ANO1: variants seen among roughly 807,000 people sequenced by gnomAD.
The protein encoded by ANO1 is anoctamin 1, also known as anoctamin-1.
Under a neutral mutation model 124.0 loss-of-function variants are expected in ANO1, and 59 were observed. The ratio of observed to expected loss-of-function variants is 0.48; its 90% CI spans 0.39 to 0.59. The LOEUF is 0.59. Ranked by LOEUF, ANO1 falls within the 20% of genes least tolerant of loss-of-function variation. The probability of loss-of-function intolerance (pLI) is 0.00; values close to 1 mark genes in which losing one functional copy is unlikely to be tolerated. For missense variants in ANO1, 1,059 were observed against 1,328.0 expected (o/e 0.80, Z 3.15); for synonymous variants, 529 against 532.0 (o/e 0.99, Z 0.08).
At chr11:70,130,319 G>C (rs1474008072) in intron 10 of ANO1, among the ~76,000 whole-genome samples, 2 of 152,218 alleles carry the variant, frequency 1.3e-5, no homozygotes, top group Non-Finnish European at 2.9e-5. Context: ...CGGAGGGTAT[G>C]AGTAGTCAGT....
At chr11:69,978,748 A>G in the ANO1 span, among the ~76,000 whole-genome samples, 3,641 of 152,314 alleles carry the variant, frequency 0.024, 86 homozygotes, top group African/African-American at 0.055. Context: ...ATGGAAGCCT[A>G]ATCTCTCTAT....
the ANO1 span, among the ~76,000 whole-genome samples, chr11:69,968,342 C>T: frequency 3.3e-5 from 5 of 152,216 alleles, no homozygotes; most frequent in African/African-American, 1.2e-4. Flanking sequence ...GGATGACCCT[C>T]TGCCTCTGGG....
At chr11:70,120,738 C>T (rs1590787916) in intron 8 of ANO1, among the ~76,000 whole-genome samples, 1 of 152,146 alleles carries the variant, frequency 6.6e-6, no homozygotes, top group Non-Finnish European at 1.5e-5. Context: ...TCCATGTCAC[C>T]AAGGGCCGGT....
intron 1 of ANO1, among the ~76,000 whole-genome samples, chr11:70,049,633 C>T (rs117620719): frequency 0.011 from 1,623 of 152,250 alleles, 13 homozygotes; most frequent in Non-Finnish European, 0.014. Context: ...AGTGAATGAA[C>T]GAATAAGTAA....
chr11:70,172,442 G>C (rs138313337), intron 22 of ANO1, among the ~76,000 whole-genome samples: 2 of 152,122 alleles, frequency 1.3e-5, no homozygotes, highest in East Asian at 1.9e-4. Flanking sequence ...TAGCACCTGC[G>C]TACTAATTAT....
intron 16 of ANO1, 122 bp from the exon 17 acceptor site, chr11:70,161,039 G>T: frequency 1.1e-6 from 1 of 938,484 alleles, no homozygotes; most frequent in South Asian, 1.7e-5. Flanking sequence ...AAATGTCAGT[G>T]CTTGTTTTGA....
intron 1 of ANO1, among the ~76,000 whole-genome samples, chr11:70,009,653 T>C (rs182217762): frequency 7.2e-5 from 11 of 152,210 alleles, no homozygotes; most frequent in Admixed American, 2.6e-4. Flanking sequence ...GTTGGGAAGG[T>C]CAAGACTGGA....
At chr11:70,032,082 CT>C (rs1374406701) in intron 1 of ANO1, among the ~76,000 whole-genome samples, 1 of 152,218 alleles carries the variant, frequency 6.6e-6, no homozygotes, top group African/African-American at 2.4e-5. Context: ...GCCCATGAAG[CT>C]TGCAGTCCAG....
intron 2 of ANO1, among the ~76,000 whole-genome samples, chr11:70,102,395 C>T (rs1160796184): frequency 6.6e-6 from 1 of 152,248 alleles, no homozygotes; most frequent in Non-Finnish European, 1.5e-5. Context: ...CTGCTGTTCA[C>T]TGTTGCCATT....
intron 1 of ANO1, among the ~76,000 whole-genome samples, chr11:70,002,205 C>T (rs538510262): frequency 6.6e-6 from 1 of 152,216 alleles, no homozygotes; most frequent in African/African-American, 2.4e-5. Context: ...AATCCCAGCA[C>T]TTTGGGAGAC....
intron 6 of ANO1, chr11:70,111,020 C>A (rs1177117012): frequency 1.4e-5 from 6 of 417,374 alleles, no homozygotes; most frequent in Non-Finnish European, 2.4e-5. Flanking sequence ...GAGCACTGGA[C>A]GGCTGTGAGT....
rs140734842 is a variant in ANO1 at position 70,080,941 on chromosome 11, T to C, written c.108+2227T>C. Among the ~76,000 whole-genome samples the C allele has an allele frequency of 9.7e-3, 1,477 of 152,308 alleles. 21 individuals carry two copies. Among genetic ancestry groups the C allele is most frequent in the African/African-American group, 0.034 (1,410 of 41,552 alleles). On this transcript the variant is annotated intron_variant, in intron 1 of 25. Coordinates refer to ENST00000355303, the MANE Select transcript of ANO1 (RefSeq NM_018043.7). ...CCCCGGCACCACTCAAGCCAACAGT[T>C]GTTGCTCAGTCATTACCCTGAGTCA...
upstream of ANO1, among the ~76,000 whole-genome samples, chr11:69,984,560 G>T (rs1855993870): frequency 6.6e-6 from 1 of 152,192 alleles, no homozygotes; most frequent in Non-Finnish European, 1.5e-5. Context: ...TTGTGGGTTT[G>T]CCGCTTCAAG....
intron 1 of ANO1, among the ~76,000 whole-genome samples, chr11:70,068,081 C>G (rs180872757): frequency 1.8e-4 from 27 of 152,308 alleles, no homozygotes; most frequent in Non-Finnish European, 2.4e-4. Context: ...GGACAGGAGC[C>G]CTCGTATTGG....
intron 11 of ANO1, among the ~76,000 whole-genome samples, chr11:70,146,636 C>T (rs2047389689): frequency 6.6e-6 from 1 of 152,172 alleles, no homozygotes; most frequent in Non-Finnish European, 1.5e-5. Context: ...AATAGGCTGT[C>T]TGCAAGTGGA....
chr11:70,165,181 G>A (rs915544597), intron 19 of ANO1, among the ~76,000 whole-genome samples: 5 of 152,198 alleles, frequency 3.3e-5, no homozygotes, highest in African/African-American at 9.6e-5. Context: ...CCATGTTCAC[G>A]CTGCCTCTTC....
At chr11:69,993,179 C>A (rs1335444152) in intron 1 of ANO1, among the ~76,000 whole-genome samples, 1 of 152,192 alleles carries the variant, frequency 6.6e-6, no homozygotes, top group Non-Finnish European at 1.5e-5. Flanking sequence ...TCAGCTGCAC[C>A]CTTGTTTGCC....
chr11:70,121,353 CTCTG>C (rs1224566312), intron 8 of ANO1, among the ~76,000 whole-genome samples: 3 of 151,276 alleles, frequency 2.0e-5, no homozygotes, highest in East Asian at 1.9e-4. Context: ...CCCCACCTCT[CTCTG>C]TCTGTCTCTC....
intron 14 of ANO1, among the ~76,000 whole-genome samples, chr11:70,155,032 C>T (rs532366438): frequency 6.6e-6 from 1 of 152,352 alleles, no homozygotes; most frequent in African/African-American, 2.4e-5. Flanking sequence ...GGCGGCATCC[C>T]GGCCCCCAAG....
Sources: allele counts gnomAD v4.1 joint callset (sites outside exome capture counted in the v4.1 genomes callset), GRCh38; gene constraint gnomAD v4.1.1; transcripts MANE v1.5; gene names NCBI Gene and HGNC (gene_info 2026-07-23, HGNC 2026-07-21).